The following UNC5B variants were observed in gnomAD, a reference collection of about 807,000 sequenced individuals.
UNC5B encodes unc-5 netrin receptor B.
In UNC5B, 56 loss-of-function variants were observed where a neutral mutation model predicts 103.7. The observed-to-expected ratio is 0.54, with a 90% CI of 0.44 to 0.67. The LOEUF is 0.67. Ranked by LOEUF, UNC5B falls within the 30% of genes least tolerant of loss-of-function variation. The probability of loss-of-function intolerance (pLI) is 0.00; values close to 1 mark genes in which losing one functional copy is unlikely to be tolerated. For missense variants in UNC5B, 1,194 were observed against 1,284.5 expected (o/e 0.93, Z 1.08); for synonymous variants, 577 against 542.0 (o/e 1.06, Z -0.90).
At chr10:71,287,453 C>G in intron 5 of UNC5B, 145 bp from the exon 6 acceptor site, 1 of 1,009,482 alleles carries the variant, frequency 9.9e-7, no homozygotes, top group Non-Finnish European at 1.4e-6. Context: ...TCTGCCAGTT[C>G]TGAGTCCCTA....
intron 16 of UNC5B, among the ~76,000 whole-genome samples, chr10:71,298,459 G>A (rs1011299005): frequency 4.6e-5 from 7 of 152,110 alleles, no homozygotes; most frequent in African/African-American, 9.7e-5. Context: ...AATGTGCTGC[G>A]AGATGCTTGC....
chr10:71,277,375 T>G (rs1172212930), intron 1 of UNC5B, among the ~76,000 whole-genome samples: 1 of 152,214 alleles, frequency 6.6e-6, no homozygotes, highest in Non-Finnish European at 1.5e-5. Context: ...CAGGGGCCTC[T>G]TGAGTCTGAA....
chr10:71,298,180 A>G (rs1437382747), intron 16 of UNC5B, 90 bp downstream of exon 16: 1 of 1,442,348 alleles, frequency 6.9e-7, no homozygotes, highest in Non-Finnish European at 9.3e-7. Context: ...GACAGCCACG[A>G]CCATCTCCCA....
At chr10:71,263,744 G>T (rs1215458410) in intron 1 of UNC5B, among the ~76,000 whole-genome samples, 1 of 152,192 alleles carries the variant, frequency 6.6e-6, no homozygotes, top group Non-Finnish European at 1.5e-5. Flanking sequence ...GGACTTGGGG[G>T]CAGGGCTTCT....
chr10:71,217,009 C>T (rs774609133), intron 1 of UNC5B, among the ~76,000 whole-genome samples: 1 of 152,198 alleles, frequency 6.6e-6, no homozygotes, highest in Non-Finnish European at 1.5e-5. Context: ...GGGGCTGGGT[C>T]ATAGGCTGGG....
intron 1 of UNC5B, among the ~76,000 whole-genome samples, chr10:71,238,840 C>T (rs1209551883): frequency 6.6e-6 from 1 of 152,102 alleles, no homozygotes; most frequent in African/African-American, 2.4e-5. Flanking sequence ...AGTGCAATGG[C>T]GCAATCATAG....
At chr10:71,260,545 G>A (rs1489193643) in intron 1 of UNC5B, among the ~76,000 whole-genome samples, 1 of 152,336 alleles carries the variant, frequency 6.6e-6, no homozygotes, top group East Asian at 1.9e-4. Context: ...AGGGCCTCTG[G>A]GCTCAGGGCC....
At chr10:71,290,058 G>C (rs1028670846) in intron 8 of UNC5B, among the ~76,000 whole-genome samples, 9 of 152,212 alleles carry the variant, frequency 5.9e-5, no homozygotes, top group African/African-American at 2.2e-4. Flanking sequence ...TCCCTGAACT[G>C]CCCAGTGTGA....
At chr10:71,272,276 C>T (rs969290092) in intron 1 of UNC5B, among the ~76,000 whole-genome samples, 13 of 152,152 alleles carry the variant, frequency 8.5e-5, no homozygotes, top group African/African-American at 1.7e-4. Context: ...TCTCTGTCCT[C>T]ACCTCCCGCC....
chr10:71,215,746 C>T (rs1347288377), intron 1 of UNC5B, among the ~76,000 whole-genome samples: 1 of 151,858 alleles, frequency 6.6e-6, no homozygotes, highest in Admixed American at 6.6e-5. Context: ...GTCGAGGTGT[C>T]AAGATAATAC....
chr10:71,221,380 G>A (rs1449632264), intron 1 of UNC5B, among the ~76,000 whole-genome samples: 1 of 152,208 alleles, frequency 6.6e-6, no homozygotes, highest in Non-Finnish European at 1.5e-5. Flanking sequence ...GGGTGTTAGA[G>A]ACAGACTTTG....
chr10:71,276,270 T>C (rs74147809), intron 1 of UNC5B, among the ~76,000 whole-genome samples: 4,803 of 152,162 alleles, frequency 0.032, 249 homozygotes, highest in African/African-American at 0.11. Context: ...TATGAACCAC[T>C]CTCTGAGCGG....
chr10:71,299,094 C>T lies in UNC5B; in HGVS notation c.2673-18C>T, dbSNP rs1845521111. ...GCTAAGTGCTTGGGAACCTCAGTGC[C>T]CTCCTTCCCTCTGCCAGGTACCTGA... On this transcript the variant is annotated intron_variant, in intron 16 of 16. Transcript: ENST00000335350. The T allele has an allele frequency of 6.2e-7, 1 of 1,613,730 alleles. No individual in the cohort carries two copies. The highest frequency in any genetic ancestry group is 1.3e-5 in the African/African-American group (1 of 75,052).
chr10:71,248,561 A>G (rs910288260), intron 1 of UNC5B, among the ~76,000 whole-genome samples: 5 of 152,154 alleles, frequency 3.3e-5, no homozygotes, highest in African/African-American at 1.2e-4. Flanking sequence ...TTTAATTTAC[A>G]TTAGTAATTT....
intron 1 of UNC5B, among the ~76,000 whole-genome samples, chr10:71,239,825 C>T (rs576672449): frequency 6.6e-6 from 1 of 152,302 alleles, no homozygotes; most frequent in African/African-American, 2.4e-5. Flanking sequence ...TCACAGGGTT[C>T]CCTCCTGTGA....
intron 1 of UNC5B, among the ~76,000 whole-genome samples, chr10:71,231,623 A>G (rs1303701924): frequency 6.6e-6 from 1 of 151,770 alleles, no homozygotes; most frequent in African/African-American, 2.4e-5. Context: ...ACGAAAAACC[A>G]CAATCGTACG....
chr10:71,258,678 G>A (rs557307359), intron 1 of UNC5B, among the ~76,000 whole-genome samples: 2 of 152,348 alleles, frequency 1.3e-5, no homozygotes, highest in South Asian at 4.1e-4. Flanking sequence ...ATCCCAAGCA[G>A]CCCTGCTGGA....
Position 71,213,446 on chromosome 10 carries a change from TC to T in UNC5B, c.79+383del, listed in dbSNP as rs1442044240. Among the ~76,000 whole-genome samples the T allele has an allele frequency of 2.6e-5, 4 of 152,062 alleles. No homozygotes were observed. Among genetic ancestry groups the T allele is most frequent in the Non-Finnish European group, 5.9e-5 (4 of 68,022 alleles). ...TTGGCTACATAAGCAAGGTGTGCGC[TC>T]GCTGCCGTACGCCGGTAACTTACTA... On this transcript the variant is annotated intron_variant, in intron 1 of 16. Coordinates refer to ENST00000335350, the MANE Select transcript of UNC5B (RefSeq NM_170744.5). The surrounding 1 kb of genome is among the most constrained non-coding windows in gnomAD (Gnocchi z 4.1).
At chr10:71,259,337 C>T (rs1474411048) in intron 1 of UNC5B, among the ~76,000 whole-genome samples, 1 of 149,504 alleles carries the variant, frequency 6.7e-6, no homozygotes, top group Non-Finnish European at 1.5e-5. Context: ...TGTAGTGAGC[C>T]GATATGCCAC....
Sources: gnomAD v4.1 joint callset for allele counts (sites outside exome capture counted in the v4.1 genomes callset) on GRCh38, gnomAD v4.1.1 for gene constraint, Gnocchi (gnomAD v3.1) non-coding constraint, MANE v1.5 for transcripts, NCBI Gene and HGNC (gene_info 2026-07-23, HGNC 2026-07-21) for gene names.